PIK3C2G: variants seen among roughly 807,000 people sequenced by gnomAD.
PIK3C2G encodes the protein phosphatidylinositol-4-phosphate 3-kinase catalytic subunit type 2 gamma.
Under a neutral mutation model 181.1 loss-of-function variants are expected in PIK3C2G, and 168 were observed. The observed-to-expected ratio is 0.93, with a 90% CI of 0.82 to 1.05. PIK3C2G has a LOEUF of 1.05. PIK3C2G is among the 50% of genes least tolerant of loss of function. PIK3C2G has a pLI of 0.00. For missense variants in PIK3C2G, 1,869 were observed against 1,732.8 expected, an observed-to-expected ratio of 1.08 and a Z score of -1.40; for synonymous variants, 573 against 592.2, an observed-to-expected ratio of 0.97 and a Z score of 0.47.
At chr12:18,476,132 T>G (rs1256478214) in intron 18 of PIK3C2G, among the ~76,000 whole-genome samples, 1 of 152,184 alleles carries the variant, frequency 6.6e-6, no homozygotes, top group African/African-American at 2.4e-5. Context: ...AAGTACTTCA[T>G]CCTTACACGG....
intron 29 of PIK3C2G, among the ~76,000 whole-genome samples, chr12:18,569,251 A>G (rs1044495334): frequency 1.3e-5 from 2 of 152,042 alleles, no homozygotes; most frequent in African/African-American, 4.8e-5. Flanking sequence ...AGAGAAACCA[A>G]AAAGATCAAA....
At chr12:18,399,523 A>C in intron 15 of PIK3C2G, 136 bp from the exon 16 acceptor site, 1 of 446,072 alleles carries the variant, frequency 2.2e-6, no homozygotes, top group East Asian at 3.2e-5. Context: ...TATCCGAAGA[A>C]GGTAAAAGAT....
At chr12:18,723,257 G>T in the PIK3C2G span, 2 of 1,475,346 alleles carry the variant, frequency 1.4e-6, no homozygotes, top group South Asian at 1.2e-5. Context: ...TTTGAAAAAA[G>T]AAAAAATACT....
At chr12:18,420,891 C>A in intron 16 of PIK3C2G, 50 bp from the exon 17 acceptor site, 6 of 928,088 alleles carry the variant, frequency 6.5e-6, no homozygotes, top group Non-Finnish European at 8.9e-6. Flanking sequence ...ATGTCTTATG[C>A]ATTATTCCTT....
chr12:18,499,738 T>C (rs1941276575), intron 22 of PIK3C2G, among the ~76,000 whole-genome samples: 1 of 152,224 alleles, frequency 6.6e-6, no homozygotes. Flanking sequence ...GTGTTTCTTA[T>C]GCACCCTTGT....
At chr12:18,512,377 A>G (rs1942266664) in intron 24 of PIK3C2G, among the ~76,000 whole-genome samples, 1 of 151,950 alleles carries the variant, frequency 6.6e-6, no homozygotes, top group African/African-American at 2.4e-5. Context: ...TAGGAATTGC[A>G]CTGAATCTGT....
chr12:18,478,202 C>T (rs1565430496), intron 18 of PIK3C2G, among the ~76,000 whole-genome samples: 1 of 152,118 alleles, frequency 6.6e-6, no homozygotes, highest in African/African-American at 2.4e-5. Context: ...CTGTAGACAC[C>T]TATTGAACTA....
intron 25 of PIK3C2G, 114 bp from the exon 26 acceptor site, chr12:18,546,209 T>A: frequency 1.5e-6 from 1 of 647,698 alleles, no homozygotes; most frequent in South Asian, 1.9e-5. Context: ...CTGAAAGACA[T>A]TGCCATGCAA....
At chr12:18,578,312 TC>T (rs955979518) in intron 29 of PIK3C2G, among the ~76,000 whole-genome samples, 3 of 152,196 alleles carry the variant, frequency 2.0e-5, no homozygotes, top group Non-Finnish European at 2.9e-5. Context: ...GGGTTTTTTT[TC>T]CTCCTATATT....
At chr12:18,599,272 G>T (rs1947562589) in intron 30 of PIK3C2G, among the ~76,000 whole-genome samples, 1 of 152,090 alleles carries the variant, frequency 6.6e-6, no homozygotes, top group Non-Finnish European at 1.5e-5. Context: ...TGAAAGACTG[G>T]ATTAAGAAAA....
rs138261184 is a variant in PIK3C2G, at chr12:18,614,149, G to A, written c.4182+4520G>A. Among the ~76,000 whole-genome samples the A allele has an allele frequency of 1.3e-4, 20 of 151,762 alleles. No individual in the cohort carries two copies. The East Asian group carries it at 3.9e-3, about 29-fold the overall frequency. ...AAAGGATGATTTCCTAATAACAATCGTCTTATCAAATGTGTTTTTCCTTCA... is the reference window on the plus strand; with the variant it reads ...AAAGGATGATTTCCTAATAACAATCATCTTATCAAATGTGTTTTTCCTTCA... On this transcript the variant is annotated intron_variant, in intron 31 of 32. Coordinates refer to ENST00000538779, the MANE Select transcript of PIK3C2G (RefSeq NM_001288772.2).
At chr12:18,564,180 A>C (rs1411215254) in intron 28 of PIK3C2G, among the ~76,000 whole-genome samples, 2 of 152,004 alleles carry the variant, frequency 1.3e-5, no homozygotes, top group Non-Finnish European at 2.9e-5. Flanking sequence ...AGCAAACTAA[A>C]AATATCATTA....
chr12:18,445,046 G>C (rs11044124), intron 18 of PIK3C2G, among the ~76,000 whole-genome samples: 40,182 of 151,824 alleles, frequency 0.26, 5,875 homozygotes, highest in Admixed American at 0.36. Flanking sequence ...AGGAAAGATC[G>C]ATTATTTAAT....
rs139542078 is a variant in PIK3C2G, at chr12:18,396,219, T to C, written c.2127-3440T>C. Among the ~76,000 whole-genome samples, 5 of 151,726 alleles carry C rather than the reference T, an allele frequency of 3.3e-5. No homozygotes were observed. In the East Asian group the frequency reaches 9.7e-4, roughly 29 times the overall value. The stretch of plus-strand genomic sequence containing the variant: ...ATAAGCAATTAGATTAAACATTTTA[T>C]ATATAAGCAATTAGATTAAAAGTAA... On this transcript the variant is annotated intron_variant, in intron 15 of 32. Transcript: ENST00000538779.
At chr12:18,430,788 C>T (rs1371135819) in intron 18 of PIK3C2G, among the ~76,000 whole-genome samples, 1 of 152,098 alleles carries the variant, frequency 6.6e-6, no homozygotes, top group African/African-American at 2.4e-5. Flanking sequence ...GGAGTTAGGG[C>T]CTAAGAACAA....
At chr12:18,344,359 T>C (rs1431968365) in intron 10 of PIK3C2G, among the ~76,000 whole-genome samples, 3 of 151,976 alleles carry the variant, frequency 2.0e-5, no homozygotes, top group Non-Finnish European at 4.4e-5. Flanking sequence ...TTTGAGGAAC[T>C]CCCCCGTCTC....
chr12:18,695,000 A>T, the PIK3C2G span: 1 of 1,611,194 alleles, frequency 6.2e-7, no homozygotes, highest in South Asian at 1.1e-5. Flanking sequence ...GTTTCAAAAT[A>T]TATCCAGAAC....
chr12:18,680,437 T>C, the PIK3C2G span, among the ~76,000 whole-genome samples: 1 of 152,004 alleles, frequency 6.6e-6, no homozygotes, highest in Admixed American at 6.6e-5. Flanking sequence ...CTCACACCTC[T>C]TTCAGAGACA....
rs141189566 is a variant in PIK3C2G at position 18,295,179 on chromosome 12, T to C, written c.1034+1164T>C. On this transcript the variant is annotated intron_variant, in intron 5 of 32. Transcript: ENST00000538779. ...TTATATGAAATTACATATGTTTTGT[T>C]GCACTAAGCTCACAGATATTCCCTT... 6.5e-3 allele frequency among the ~76,000 whole-genome samples: 989 copies of C among 151,526 alleles called. 3 individuals carry two copies. Among genetic ancestry groups the C allele is most frequent in the Non-Finnish European group, 9.6e-3 (648 of 67,714 alleles).
Sources: gnomAD v4.1 joint callset for allele counts (sites outside exome capture counted in the v4.1 genomes callset) on GRCh38, gnomAD v4.1.1 for gene constraint, MANE v1.5 for transcripts, NCBI Gene and HGNC (gene_info 2026-07-23, HGNC 2026-07-21) for gene names.